The following DAB1 variants were observed in gnomAD, a reference collection of about 807,000 sequenced individuals.
DAB1 encodes the protein DAB adaptor protein 1, also known as disabled homolog 1.
A neutral mutation model predicts 64.6 loss-of-function variants in DAB1; 15 were observed. That is an observed-to-expected ratio of 0.23 (90% CI 0.16 to 0.36). The LOEUF (loss-of-function observed/expected upper bound fraction) is 0.36, where lower values mean the gene tolerates loss of function less well. DAB1 is among the 10% of genes least tolerant of loss of function. The probability of loss-of-function intolerance (pLI) is 1.00; values close to 1 mark genes in which losing one functional copy is unlikely to be tolerated. For synonymous variants in DAB1, 235 were observed against 251.9 expected (o/e 0.93, Z 0.64); for missense variants, 596 against 706.7 (o/e 0.84, Z 1.78).
intron 5 of DAB1, among the ~76,000 whole-genome samples, chr1:58,060,693 C>T (rs1353469446): frequency 2.0e-5 from 3 of 152,320 alleles, no homozygotes; most frequent in Admixed American, 6.5e-5. Context: ...AAGCATGCCT[C>T]GAGTGTTGTA....
At chr1:57,091,200 G>A (rs935438707) in intron 4 of DAB1, among the ~76,000 whole-genome samples, 2 of 151,962 alleles carry the variant, frequency 1.3e-5, no homozygotes, top group African/African-American at 4.8e-5. Context: ...CCATGAAACT[G>A]GTCTCCGGTG....
At chr1:58,080,782 C>T (rs1031216050) in intron 5 of DAB1, among the ~76,000 whole-genome samples, 8 of 152,214 alleles carry the variant, frequency 5.3e-5, no homozygotes, top group African/African-American at 1.7e-4. Flanking sequence ...CTTAGCCTCT[C>T]TGATTTGAGG....
intron 1 of DAB1, among the ~76,000 whole-genome samples, chr1:58,537,740 C>T (rs376933067): frequency 6.6e-6 from 1 of 152,158 alleles, no homozygotes; most frequent in East Asian, 1.9e-4. Context: ...TGCCTTTACA[C>T]AAAGTGTGTC....
chr1:58,396,199 G>A (rs765659875), intron 3 of DAB1, among the ~76,000 whole-genome samples: 8 of 152,060 alleles, frequency 5.3e-5, no homozygotes, highest in Non-Finnish European at 8.8e-5. Flanking sequence ...CAAGTCCGCT[G>A]CACTGTGATA....
At chr1:57,684,536 A>C in intron 6 of DAB1, among the ~76,000 whole-genome samples, 1 of 152,198 alleles carries the variant, frequency 6.6e-6, no homozygotes, top group East Asian at 1.9e-4. Context: ...AAGCTTCATA[A>C]ACTAAAATTA....
chr1:57,962,691 A>C (rs1416009904), intron 5 of DAB1, among the ~76,000 whole-genome samples: 1 of 151,408 alleles, frequency 6.6e-6, no homozygotes. Flanking sequence ...GGATAACATA[A>C]TCTCTACAAT....
intron 3 of DAB1, among the ~76,000 whole-genome samples, chr1:58,353,893 T>C (rs1311135397): frequency 6.6e-6 from 1 of 152,222 alleles, no homozygotes; most frequent in African/African-American, 2.4e-5. Flanking sequence ...AAGCCAGGAT[T>C]TGAATTCAAG....
At chr1:57,531,817 A>G (rs1406420110) in intron 7 of DAB1, among the ~76,000 whole-genome samples, 2 of 152,182 alleles carry the variant, frequency 1.3e-5, no homozygotes, top group Non-Finnish European at 2.9e-5. Flanking sequence ...TAATCCCACC[A>G]TGGCTGATTC....
chr1:57,892,406 A>G (rs1644329273), intron 5 of DAB1, among the ~76,000 whole-genome samples: 1 of 152,222 alleles, frequency 6.6e-6, no homozygotes, highest in Non-Finnish European at 1.5e-5. Flanking sequence ...AATACTTATG[A>G]TGACCCAGGC....
chr1:58,155,395 G>A (rs958034270), intron 4 of DAB1, among the ~76,000 whole-genome samples: 4 of 152,062 alleles, frequency 2.6e-5, no homozygotes, highest in Middle Eastern at 3.2e-3. Context: ...TATAACACAC[G>A]AGACCCCATC....
intron 5 of DAB1, among the ~76,000 whole-genome samples, chr1:57,958,227 C>T (rs909036857): frequency 6.6e-6 from 1 of 152,184 alleles, no homozygotes; most frequent in Non-Finnish European, 1.5e-5. Context: ...ATCCACCTGC[C>T]TCGGCCTCCC....
chr1:58,288,124 G>T (rs188381254), intron 4 of DAB1, among the ~76,000 whole-genome samples: 19 of 151,702 alleles, frequency 1.3e-4, no homozygotes, highest in African/African-American at 4.6e-4. Context: ...CATCTCTGAG[G>T]TCTCAACACC....
intron 5 of DAB1, chr1:58,048,755 C>T (rs1196595769): frequency 1.6e-6 from 2 of 1,258,374 alleles, no homozygotes; most frequent in African/African-American, 1.5e-5. Flanking sequence ...TTTGACAGGG[C>T]TTTCCTAACT....
intron 5 of DAB1, among the ~76,000 whole-genome samples, chr1:58,138,519 G>A (rs1034379693): frequency 2.0e-5 from 3 of 152,170 alleles, no homozygotes; most frequent in Non-Finnish European, 2.9e-5. Flanking sequence ...GCATGGGCCA[G>A]GCTCAGAAAA....
In DAB1 at chr1:58,435,711, G is replaced by C. The variant is rs369309890; in HGVS notation, n.257+70349C>G. On this transcript the variant is annotated intron_variant and non_coding_transcript_variant, in intron 3 of 20. Coordinates refer to the DAB1 transcript ENST00000485760. ...AAAGAGGAAGATAGTCCTTTTTTCT[G>C]TCACTATTACTGTGTTTTTGCTGCC... 3.5e-4 allele frequency among the ~76,000 whole-genome samples: 53 copies of C among 152,208 alleles called. No individual in the cohort carries two copies. The South Asian group carries it at 0.011, about 30-fold the overall frequency.
chr1:57,232,680 C>T lies in DAB1; in HGVS notation c.67+58284G>A, dbSNP rs1001972391. 3.3e-5 allele frequency among the ~76,000 whole-genome samples: 5 copies of T among 152,058 alleles called. No individual in the cohort carries two copies. In the East Asian group the frequency reaches 9.7e-4, roughly 29 times the overall value. On this transcript the variant is annotated intron_variant, in intron 2 of 14. Transcript: ENST00000371236. ...TCAATCCAAAGCTCTTTCCAATACA[C>T]CAGATGGCGCCCATCTGAAGAGCAA... is the stretch of plus-strand genomic sequence containing the variant.
intron 3 of DAB1, among the ~76,000 whole-genome samples, chr1:58,469,891 TAC>T (rs539802724): frequency 1.1e-3 from 168 of 152,092 alleles, no homozygotes; most frequent in Middle Eastern, 3.4e-3. Context: ...TAAATAATAA[TAC>T]TTAATATTTT....
At chr1:58,299,952 C>T (rs1662083314) in intron 4 of DAB1, among the ~76,000 whole-genome samples, 1 of 152,172 alleles carries the variant, frequency 6.6e-6, no homozygotes, top group South Asian at 2.1e-4. Flanking sequence ...AGCCCCTAGG[C>T]TCAAGGACAG....
intron 4 of DAB1, among the ~76,000 whole-genome samples, chr1:57,093,158 A>G (rs1177808515): frequency 6.6e-6 from 1 of 152,200 alleles, no homozygotes; most frequent in East Asian, 1.9e-4. Flanking sequence ...AGGATGACAC[A>G]CTGGACCTGG....
Sources: allele counts gnomAD v4.1 joint callset (sites outside exome capture counted in the v4.1 genomes callset), GRCh38; gene constraint gnomAD v4.1.1; transcripts MANE v1.5; gene names NCBI Gene and HGNC (gene_info 2026-07-23, HGNC 2026-07-21).